MEIKIN: variants seen among roughly 807,000 people sequenced by gnomAD.
MEIKIN encodes the protein meiosis-specific kinetochore protein.
chr5:131,845,664 T>C (rs1006775550), intron 11 of MEIKIN, among the ~76,000 whole-genome samples: 1 of 151,466 alleles, frequency 6.6e-6, no homozygotes, highest in African/African-American at 2.4e-5. Flanking sequence ...AAAAATTCAC[T>C]AGAAAGATCC....
chr5:131,891,740 G>T (rs1278999131), intron 8 of MEIKIN, among the ~76,000 whole-genome samples: 1 of 152,180 alleles, frequency 6.6e-6, no homozygotes, highest in Non-Finnish European at 1.5e-5. Context: ...TGTTATGTGT[G>T]AATTTGATCC....
At chr5:131,914,968 G>A (rs776164964) in intron 7 of MEIKIN, among the ~76,000 whole-genome samples, 1 of 152,124 alleles carries the variant, frequency 6.6e-6, no homozygotes, top group South Asian at 2.1e-4. Context: ...TGTCCATACA[G>A]GGTGGAAACA....
At chr5:131,881,120 A>G (rs1750696109) in intron 8 of MEIKIN, among the ~76,000 whole-genome samples, 1 of 152,216 alleles carries the variant, frequency 6.6e-6, no homozygotes, top group Non-Finnish European at 1.5e-5. Context: ...TAGATTAGAT[A>G]TTAGCCTGAA....
At chr5:131,856,948 TTTTA>T (rs996538713) in intron 9 of MEIKIN, among the ~76,000 whole-genome samples, 11 of 151,480 alleles carry the variant, frequency 7.3e-5, no homozygotes, top group African/African-American at 2.2e-4. Flanking sequence ...TTTTTTTTCT[TTTTA>T]TTTATTTATT....
At chr5:131,895,094 T>C (rs1184461576) in intron 8 of MEIKIN, among the ~76,000 whole-genome samples, 1 of 152,236 alleles carries the variant, frequency 6.6e-6, no homozygotes, top group African/African-American at 2.4e-5. Context: ...ATTTTTAGCA[T>C]GAAGGGCTGT....
intron 12 of MEIKIN, among the ~76,000 whole-genome samples, chr5:131,813,378 C>T (rs1434045482): frequency 6.6e-6 from 1 of 151,952 alleles, no homozygotes; most frequent in African/African-American, 2.4e-5. Flanking sequence ...AGGAGTGCAC[C>T]CGGTTGTGTG....
chr5:131,921,204 A>G (rs1751498958), intron 6 of MEIKIN, among the ~76,000 whole-genome samples: 1 of 152,250 alleles, frequency 6.6e-6, no homozygotes, highest in Admixed American at 6.5e-5. Flanking sequence ...AAGTCTAAAA[A>G]TAGTTCAAAA....
intron 12 of MEIKIN, among the ~76,000 whole-genome samples, chr5:131,817,613 C>CA (rs36057131): frequency 0.72 from 103,720 of 144,266 alleles, 37,277 homozygotes; most frequent in Non-Finnish European, 0.8. Flanking sequence ...GAGAATCTGT[C>CA]AAAAAAAAAA....
At chr5:131,903,901 A>T (rs988396148) in intron 8 of MEIKIN, among the ~76,000 whole-genome samples, 2 of 152,106 alleles carry the variant, frequency 1.3e-5, no homozygotes, top group South Asian at 2.1e-4. Context: ...TCCATCTCAC[A>T]TACAATGACA....
At chr5:131,813,519 C>T (rs1261061521) in intron 12 of MEIKIN, among the ~76,000 whole-genome samples, 3 of 151,690 alleles carry the variant, frequency 2.0e-5, no homozygotes, top group African/African-American at 2.4e-5. Context: ...CTCCGCCTCC[C>T]GGGTTCACGC....
chr5:131,874,376 A>C (rs924675277), intron 9 of MEIKIN, among the ~76,000 whole-genome samples: 7 of 152,254 alleles, frequency 4.6e-5, no homozygotes, highest in Admixed American at 6.5e-5. Context: ...ACCTCTACGC[A>C]AATAAACTAG....
At chr5:131,852,650 T>C (rs1047647847) in intron 10 of MEIKIN, among the ~76,000 whole-genome samples, 1 of 152,042 alleles carries the variant, frequency 6.6e-6, no homozygotes, top group Non-Finnish European at 1.5e-5. Context: ...AGTAGTTTCT[T>C]TGGACTGGAG....
At chr5:131,854,248 T>C (rs1750160052) in intron 10 of MEIKIN, among the ~76,000 whole-genome samples, 1 of 152,178 alleles carries the variant, frequency 6.6e-6, no homozygotes, top group African/African-American at 2.4e-5. Flanking sequence ...AAAGGACAAA[T>C]ACTGTATGGT....
intron 9 of MEIKIN, among the ~76,000 whole-genome samples, chr5:131,867,771 C>A (rs1398609824): frequency 6.6e-6 from 1 of 152,110 alleles, no homozygotes; most frequent in East Asian, 1.9e-4. Flanking sequence ...TATGCATTCA[C>A]CTAATGAAGA....
chr5:131,837,130 CT>C (rs1749822064), intron 11 of MEIKIN, among the ~76,000 whole-genome samples: 1 of 152,054 alleles, frequency 6.6e-6, no homozygotes, highest in African/African-American at 2.4e-5. Flanking sequence ...ATAGGGAGTC[CT>C]TTTTCCTTTG....
chr5:131,876,912 C>T (rs1267322521), intron 9 of MEIKIN, among the ~76,000 whole-genome samples: 11 of 148,858 alleles, frequency 7.4e-5, no homozygotes, highest in South Asian at 2.1e-4. Flanking sequence ...AACCAAACAC[C>T]GCATGTTCTC....
chr5:131,895,985 C>T (rs1034268977), intron 8 of MEIKIN, among the ~76,000 whole-genome samples: 9 of 152,082 alleles, frequency 5.9e-5, no homozygotes, highest in East Asian at 5.8e-4. Context: ...GTTAGGGTGT[C>T]GATTTTGGAT....
At chr5:131,914,020 T>C (rs1190330673) in intron 7 of MEIKIN, among the ~76,000 whole-genome samples, 1 of 152,072 alleles carries the variant, frequency 6.6e-6, no homozygotes, top group Non-Finnish European at 1.5e-5. Flanking sequence ...CATGGATTAA[T>C]GGAGTAATGG....
At chr5:131,823,813 T>C (rs1749562926) in intron 11 of MEIKIN, among the ~76,000 whole-genome samples, 1 of 152,160 alleles carries the variant, frequency 6.6e-6, no homozygotes, top group South Asian at 2.1e-4. Flanking sequence ...TCTGGATTTG[T>C]TTATGCCTGT....
Sources: allele counts gnomAD v4.1 joint callset (sites outside exome capture counted in the v4.1 genomes callset), GRCh38; gene constraint gnomAD v4.1.1; transcripts MANE v1.5; gene names NCBI Gene and HGNC (gene_info 2026-07-23, HGNC 2026-07-21).